Variants in CNPY1 observed in about 807,000 individuals in gnomAD.
CNPY1 encodes canopy FGF signaling regulator 1.
A neutral mutation model predicts 14.4 loss-of-function variants in CNPY1; 14 were observed. The observed-to-expected ratio is 0.97, with a 90% confidence interval of 0.64 to 1.52. The LOEUF is 1.52. Among genes scored for constraint, CNPY1 ranks in the 40% most tolerant of loss-of-function variants. The probability of loss-of-function intolerance (pLI) is 0.00; values close to 1 mark genes in which losing one functional copy is unlikely to be tolerated. For synonymous variants in CNPY1, 43 were observed against 46.5 expected (o/e 0.92, Z 0.31); for missense variants, 129 against 131.5 (o/e 0.98, Z 0.09).
At chr7:155,508,578 T>C (rs945174758) in intron 3 of CNPY1, among the ~76,000 whole-genome samples, 1 of 152,186 alleles carries the variant, frequency 6.6e-6, no homozygotes, top group Non-Finnish European at 1.5e-5. Flanking sequence ...GCAAAATGGT[T>C]TAAGCAAAAC....
chr7:155,542,350 C>A (rs1352819072), intron 2 of CNPY1, among the ~76,000 whole-genome samples: 1 of 152,178 alleles, frequency 6.6e-6, no homozygotes. Flanking sequence ...ACCCCCCAAC[C>A]ATGGTCAGAG....
At chr7:155,509,166 TC>T in intron 2 of CNPY1, 69 bp from the exon 3 acceptor site, 2 of 884,140 alleles carry the variant, frequency 2.3e-6, no homozygotes, top group East Asian at 2.6e-5. Context: ...TTCCGGCGAG[TC>T]CACATGGAAA....
chr7:155,538,214 C>T (rs2116754729), intron 2 of CNPY1, among the ~76,000 whole-genome samples: 1 of 152,312 alleles, frequency 6.6e-6, no homozygotes, highest in East Asian at 1.9e-4. Context: ...ATCCATGGGC[C>T]AACAGCCCTT....
intron 2 of CNPY1, among the ~76,000 whole-genome samples, chr7:155,514,236 C>T (rs1044779717): frequency 6.6e-6 from 1 of 152,190 alleles, no homozygotes; most frequent in Non-Finnish European, 1.5e-5. Flanking sequence ...TCTCTAATTC[C>T]GACGTTTAAA....
intron 2 of CNPY1, among the ~76,000 whole-genome samples, chr7:155,515,595 A>G (rs959455994): frequency 6.6e-6 from 1 of 151,876 alleles, no homozygotes; most frequent in Non-Finnish European, 1.5e-5. Flanking sequence ...GTGGAGGGAG[A>G]GACCAGGCTG....
intron 2 of CNPY1, among the ~76,000 whole-genome samples, chr7:155,545,388 C>A (rs757706273): frequency 6.6e-6 from 1 of 152,162 alleles, no homozygotes; most frequent in Non-Finnish European, 1.5e-5. Context: ...TTCTCCATAG[C>A]CAACTGTCCG....
At chr7:155,517,805 A>T (rs1317756956) in intron 2 of CNPY1, among the ~76,000 whole-genome samples, 1 of 152,226 alleles carries the variant, frequency 6.6e-6, no homozygotes, top group East Asian at 1.9e-4. Context: ...CCTCTGTAGA[A>T]CCAGGGCGAT....
chr7:155,513,867 ATTT>A (rs1391426521), intron 2 of CNPY1, among the ~76,000 whole-genome samples: 1 of 152,254 alleles, frequency 6.6e-6, no homozygotes, highest in East Asian at 1.9e-4. Context: ...TTGCTTTCCT[ATTT>A]TAAAACGTAT....
intron 4 of CNPY1, among the ~76,000 whole-genome samples, chr7:155,505,989 C>CA (rs555234933): frequency 3.7e-4 from 56 of 151,768 alleles, no homozygotes; most frequent in Middle Eastern, 3.4e-3. Flanking sequence ...AAACCAAAAA[C>CA]AAAAAAAACA....
At chr7:155,524,780 C>T (rs1796789839) in intron 2 of CNPY1, among the ~76,000 whole-genome samples, 1 of 145,528 alleles carries the variant, frequency 6.9e-6, no homozygotes, top group Non-Finnish European at 1.5e-5. Context: ...AAACCATCCC[C>T]CCCACCCTCC....
intron 2 of CNPY1, among the ~76,000 whole-genome samples, chr7:155,529,526 G>A (rs1033177961): frequency 1.3e-5 from 2 of 152,172 alleles, no homozygotes; most frequent in East Asian, 3.9e-4. Flanking sequence ...CCCTCTTCAT[G>A]GTTCCGGTGG....
intron 2 of CNPY1, among the ~76,000 whole-genome samples, chr7:155,512,803 T>C (rs761008054): frequency 5.9e-5 from 9 of 152,332 alleles, no homozygotes; most frequent in Non-Finnish European, 8.8e-5. Flanking sequence ...TATTTTGGAG[T>C]GTCCTTCAGA....
In CNPY1 at chr7:155,533,227, C is replaced by T. The variant is rs566956061; in HGVS notation, c.99+12604G>A. On this transcript the variant is annotated intron_variant, in intron 2 of 4. Transcript: ENST00000636446. ...CCCTCAAAACCCACTCCGCGCCCGACGGGAACGGCTGGAGGGAGGAAAGAG... is the reference window on the plus strand; with the variant it reads ...CCCTCAAAACCCACTCCGCGCCCGATGGGAACGGCTGGAGGGAGGAAAGAG... Among the ~76,000 whole-genome samples, 19 of 152,318 alleles carry T rather than the reference C, an allele frequency of 1.2e-4. No homozygotes were observed. In the South Asian group the frequency reaches 3.7e-3, roughly 30 times the overall value.
intron 2 of CNPY1, among the ~76,000 whole-genome samples, chr7:155,522,045 T>C (rs1276829723): frequency 6.6e-6 from 1 of 152,206 alleles, no homozygotes; most frequent in Non-Finnish European, 1.5e-5. Flanking sequence ...CCTCTAGACG[T>C]GTTGAACACG....
intron 2 of CNPY1, among the ~76,000 whole-genome samples, chr7:155,528,491 C>G (rs1796870819): frequency 1.3e-5 from 2 of 152,324 alleles, no homozygotes; most frequent in South Asian, 4.1e-4. Context: ...AAGCTGGGAT[C>G]ACTTCTTCAT....
At chr7:155,507,470 C>CAAAAAAAA (rs1796360401) in intron 3 of CNPY1, among the ~76,000 whole-genome samples, 1 of 5,494 alleles carries the variant, frequency 1.8e-4, no homozygotes, top group African/African-American at 2.2e-3. Flanking sequence ...GGTTTTTAAA[C>CAAAAAAAA]TAAAAAAAAA....
rs1563096830 is a variant in CNPY1, at chr7:155,536,462, A to G, written c.99+9369T>C. 6.6e-6 allele frequency among the ~76,000 whole-genome samples: 1 copy of G among 152,090 alleles called. No individual in the cohort carries two copies. Among genetic ancestry groups the G allele is most frequent in the South Asian group, 2.1e-4 (1 of 4,830 alleles). ...TCTCTCCAGTGACCAGTGACCTGCTATATGGTCACCACACTCCACTTCTTC... is the reference window on the plus strand; with the variant it reads ...TCTCTCCAGTGACCAGTGACCTGCTGTATGGTCACCACACTCCACTTCTTC... On this transcript the variant is annotated intron_variant, in intron 2 of 4. Coordinates refer to ENST00000636446, the MANE Select transcript of CNPY1 (RefSeq NM_001393663.1). The surrounding 1 kb of genome is among the most constrained non-coding windows in gnomAD (Gnocchi z 4.1).
chr7:155,531,598 G>A (rs551075760), intron 2 of CNPY1, among the ~76,000 whole-genome samples: 2 of 152,170 alleles, frequency 1.3e-5, no homozygotes, highest in South Asian at 4.2e-4. Context: ...TGTCAGATGG[G>A]GTTGTGCCCA....
At chr7:155,537,883 AC>A (rs1348893673) in intron 2 of CNPY1, among the ~76,000 whole-genome samples, 2 of 152,354 alleles carry the variant, frequency 1.3e-5, no homozygotes, top group East Asian at 3.9e-4. Context: ...TTTAAATTTA[AC>A]AAGTAATATG....
Sources: gnomAD v4.1 joint callset for allele counts (sites outside exome capture counted in the v4.1 genomes callset) on GRCh38, gnomAD v4.1.1 for gene constraint, Gnocchi (gnomAD v3.1) non-coding constraint, MANE v1.5 for transcripts, NCBI Gene and HGNC (gene_info 2026-07-23, HGNC 2026-07-21) for gene names.